Variants in CTBP1 observed in about 807,000 individuals in gnomAD.
CTBP1 encodes C-terminal-binding protein 1.
In CTBP1, 11 loss-of-function variants were observed where a neutral mutation model predicts 42.1. That is an observed-to-expected ratio of 0.26 (90% CI 0.16 to 0.43). The LOEUF is 0.43. Ranked by LOEUF, CTBP1 falls within the 20% of genes least tolerant of loss-of-function variation. CTBP1 has a pLI of 1.00. For missense variants in CTBP1, 399 were observed against 624.3 expected, an observed-to-expected ratio of 0.64 and a Z score of 3.85; for synonymous variants, 324 against 277.1, an observed-to-expected ratio of 1.17 and a Z score of -1.68.
intron 1 of CTBP1, chr4:1,243,760 C>T (rs372168569): frequency 4.3e-5 from 42 of 985,316 alleles, no homozygotes; most frequent in Non-Finnish European, 4.9e-5. Context: ...CCACACACTC[C>T]GAGGTGAAGG....
chr4:1,238,043 G>A lies in CTBP1; in HGVS notation c.162+140C>T, dbSNP rs115638986. The A allele has an allele frequency of 1.3e-3, 1,510 of 1,142,502 alleles. 19 individuals are homozygous for A. The African/African-American group carries it at 0.019, about 14-fold the overall frequency. 70.8% of individuals were successfully genotyped at this position (1,142,502 alleles called of 1,614,324 possible). On this transcript the variant is annotated intron_variant, in intron 3 of 9. Coordinates refer to ENST00000382952, the MANE Select transcript of CTBP1 (RefSeq NM_001012614.2). This position sits in a 1 kb window ranked among gnomAD's most constrained non-coding sequence, Gnocchi z 5.9. ...GAAAACCCCGTGTCCACCTCCTGAC[G>A]GCGCGGGACGACTGGGACAGAGGCT...
intron 5 of CTBP1, chr4:1,218,232 C>G (rs533723000): frequency 4.6e-5 from 7 of 152,178 alleles, no homozygotes; most frequent in African/African-American, 1.4e-4. Flanking sequence ...GGTGAAACCC[C>G]GTCTCTACTA....
At position 1,225,519 on chromosome 4, in the gene CTBP1, C is replaced by T. The variant is rs745447562; in HGVS notation, c.355G>A (p.Asp119Asn). ...VPAASVEETA[D>N]STLCHILNLY... The stretch of plus-strand genomic sequence containing the variant: ...TTCAGGATGTGGCACAGCGTCGAGT[C>T]GGCCGTCTCCTCCACAGACGCCGCG... Residue 119 changes from aspartate (D) to asparagine (N), a missense_variant, in exon 5 of 10, where the codon GAC becomes AAC. Physicochemically the swap from Asp to Asn is conservative, Grantham distance 23 (BLOSUM62 1). This residue lies in a region of CTBP1 where 309 missense variants were observed against 497.5 expected (regional missense o/e 0.62). Coordinates refer to ENST00000382952, the MANE Select transcript of CTBP1 (RefSeq NM_001012614.2). 2 of 1,544,678 alleles carry T rather than the reference C, an allele frequency of 1.3e-6. No individual in the cohort carries two copies. Among genetic ancestry groups the T allele is most frequent in the Non-Finnish European group, 1.7e-6 (2 of 1,146,712 alleles).
At chr4:1,212,594 G>A (rs916539458) in intron 9 of CTBP1, 171 bp from the exon 10 acceptor site, 4 of 660,572 alleles carry the variant, frequency 6.1e-6, no homozygotes, top group Non-Finnish European at 9.9e-6. Flanking sequence ...TACTTCTCAG[G>A]GCTGGGGAGG....
intron 1 of CTBP1, chr4:1,245,404 G>C (rs1446079056): frequency 1.0e-6 from 1 of 985,264 alleles, no homozygotes; most frequent in African/African-American, 1.7e-5. Flanking sequence ...CCACATGTGG[G>C]GTATCAGGGC....
At chr4:1,244,150 C>T (rs897715833) in intron 1 of CTBP1, 49 of 985,188 alleles carry the variant, frequency 5.0e-5, no homozygotes, top group Middle Eastern at 5.2e-4. Flanking sequence ...CATGTCAACG[C>T]CCTGTCTCTG....
chr4:1,249,422 C>T (rs1315285669), upstream of CTBP1: 1 of 152,816 alleles, frequency 6.5e-6, no homozygotes, highest in Admixed American at 6.6e-5. Flanking sequence ...CCCTGCGGGC[C>T]CGGAAGCCGA....
In CTBP1 at chr4:1,238,012, T is replaced by C. The variant is rs541999426; in HGVS notation, c.162+171A>G. The C allele has an allele frequency of 2.2e-5, 19 of 844,970 alleles. No individual in the cohort carries two copies. The highest frequency in any genetic ancestry group is 1.1e-4 in the South Asian group (8 of 72,486). The allele number at this position is 844,970 out of a possible 1,614,324, so 52.3% of individuals were successfully genotyped here. A position where few individuals can be genotyped will look rare whatever the true frequency, so the allele number is the denominator to read the frequency against. ...ACCCGATGTCCACCTCCTGATGGTG[T>C]CCAGGGAAAACCCCGTGTCCACCTC... is the stretch of plus-strand genomic sequence containing the variant. On this transcript the variant is annotated intron_variant, in intron 3 of 9. Coordinates refer to ENST00000382952, the MANE Select transcript of CTBP1 (RefSeq NM_001012614.2). The surrounding 1 kb of genome is among the most constrained non-coding windows in gnomAD (Gnocchi z 5.9).
intron 5 of CTBP1, among the ~76,000 whole-genome samples, chr4:1,225,107 G>A (rs543334766): frequency 9.7e-4 from 148 of 152,162 alleles, no homozygotes; most frequent in African/African-American, 3.3e-3. Flanking sequence ...GAGGCTGTGT[G>A]TGCTGTGGCA....
In CTBP1 at chr4:1,226,355, G is replaced by A. The variant is rs368394057; in HGVS notation, c.308-789C>T. Among the ~76,000 whole-genome samples the A allele has an allele frequency of 3.7e-4, 56 of 152,254 alleles. 2 individuals carry two copies. The highest frequency in any genetic ancestry group is 1.3e-3 in the African/African-American group (52 of 41,538). On this transcript the variant is annotated intron_variant, in intron 4 of 9. Coordinates refer to ENST00000382952, the MANE Select transcript of CTBP1 (RefSeq NM_001012614.2). ...GGCCATCCGTCTCCCTGGGGAGGAGGAGGGGGCAGGAGGCCAGGACAGGGC... is the reference window on the plus strand; with the variant it reads ...GGCCATCCGTCTCCCTGGGGAGGAGAAGGGGGCAGGAGGCCAGGACAGGGC...
chr4:1,212,491 T>G, intron 9 of CTBP1, 68 bp from the exon 10 acceptor site: 1 of 1,320,472 alleles, frequency 7.6e-7, no homozygotes, highest in Non-Finnish European at 9.9e-7. Context: ...CCTGCCCTCC[T>G]AGCATCGGCA....
intron 3 of CTBP1, chr4:1,237,071 G>A: frequency 3.0e-6 from 2 of 656,362 alleles, no homozygotes; most frequent in Non-Finnish European, 2.8e-6. Flanking sequence ...GTGGGGCTCA[G>A]GGAAAACCCC....
At chr4:1,212,468 T>C (rs1728641268) in intron 9 of CTBP1, 45 bp from the exon 10 acceptor site, 3 of 1,390,138 alleles carry the variant, frequency 2.2e-6, no homozygotes, top group Non-Finnish European at 2.8e-6. Context: ...GTAGGCGGCC[T>C]GGCCAGGCCC....
intron 3 of CTBP1, among the ~76,000 whole-genome samples, chr4:1,230,764 C>T (rs987495423): frequency 1.3e-4 from 20 of 152,364 alleles, no homozygotes; most frequent in African/African-American, 4.3e-4. Context: ...GTGAATATGA[C>T]GAATATTCAT....
rs566847597 is a variant in CTBP1 at position 1,242,137 on chromosome 4, C to T, written c.-188-618G>A. ...ACTGCTCAGCTCTTCCTGACCGCTA[C>T]GGCCAGGGCCTGGCGGGAAGCTGAG... On this transcript the variant is annotated intron_variant, in intron 1 of 9. Coordinates refer to ENST00000382952, the MANE Select transcript of CTBP1 (RefSeq NM_001012614.2). 5.1e-6 allele frequency: 5 copies of T among 985,478 alleles called. No individual in the cohort carries two copies. In the East Asian group the frequency reaches 3.4e-4, roughly 67 times the overall value. The allele number at this position is 985,478 out of a possible 1,614,324, so 61.0% of individuals were successfully genotyped here. A position where few individuals can be genotyped will look rare whatever the true frequency, so the allele number is the denominator to read the frequency against.
intron 1 of CTBP1, chr4:1,243,588 CCT>C (rs1732413006): frequency 3.0e-6 from 3 of 985,458 alleles, no homozygotes; most frequent in African/African-American, 3.5e-5. Flanking sequence ...CAAAGCGCCC[CCT>C]GCCGGGCCAC....
chr4:1,212,266 T>C lies in CTBP1; in HGVS notation c.1264A>G (p.Arg422Gly). The C allele has an allele frequency of 6.6e-7, 1 of 1,524,122 alleles. No homozygotes were observed. The highest frequency in any genetic ancestry group is 8.8e-7 in the Non-Finnish European group (1 of 1,137,188). The allele number at this position is 1,524,122 out of a possible 1,614,324, so 94.4% of individuals were successfully genotyped here. ...PGQTVKPEAD[R>G]DHASDQL ...TACAACTGGTCACTGGCGTGGTCTC[T>C]ATCCGCCTCGGGCTTGACGGTTTGG... Residue 422 changes from arginine (R) to glycine (G), a missense_variant, in exon 10 of 10, where the codon AGA becomes GGA. Arg to Gly is a moderately radical substitution (Grantham distance 125). Transcript: ENST00000382952.
intron 5 of CTBP1, among the ~76,000 whole-genome samples, chr4:1,224,308 A>G (rs1449238919): frequency 6.6e-6 from 1 of 151,540 alleles, no homozygotes; most frequent in East Asian, 1.9e-4. Flanking sequence ...CGTGCGGCCC[A>G]TGTGTGTGCT....
At chr4:1,245,015 C>A in intron 1 of CTBP1, 1 of 985,466 alleles carries the variant, frequency 1.0e-6, no homozygotes, top group African/African-American at 1.7e-5. Context: ...CGCACAGCAG[C>A]ATGGAGCCAC....
Sources: allele counts gnomAD v4.1 joint callset (sites outside exome capture counted in the v4.1 genomes callset), GRCh38; gene constraint gnomAD v4.1.1; regional missense constraint gnomAD v4.1.1; non-coding constraint Gnocchi (gnomAD v3.1); transcripts MANE v1.5; gene names NCBI Gene and HGNC (gene_info 2026-07-23, HGNC 2026-07-21).